The following TMEM108 variants were observed in gnomAD, a reference collection of about 807,000 sequenced individuals.
The protein encoded by TMEM108 is transmembrane protein 108.
TMEM108 carries 12 observed loss-of-function variants against 35.1 expected under a neutral mutation model. The ratio of observed to expected loss-of-function variants is 0.34; its 90% CI spans 0.22 to 0.55. The LOEUF is 0.55. Ranked by LOEUF, TMEM108 falls within the 20% of genes least tolerant of loss-of-function variation. The pLI, the probability that TMEM108 is intolerant of heterozygous loss-of-function variation, is 0.89. For missense variants in TMEM108, 680 were observed against 753.3 expected, an observed-to-expected ratio of 0.90 and a Z score of 1.14; for synonymous variants, 287 against 308.6, an observed-to-expected ratio of 0.93 and a Z score of 0.73.
chr3:133,264,155 C>T (rs1576420381), intron 3 of TMEM108, among the ~76,000 whole-genome samples: 1 of 151,868 alleles, frequency 6.6e-6, no homozygotes, highest in African/African-American at 2.4e-5. Context: ...AAAACAACAA[C>T]AAAAATAGAA....
At chr3:133,207,402 T>C (rs189957815) in intron 2 of TMEM108, among the ~76,000 whole-genome samples, 312 of 152,216 alleles carry the variant, frequency 2.0e-3, no homozygotes, top group Admixed American at 3.9e-3. Context: ...CACTGGGAGC[T>C]GCAGACCAGA....
chr3:133,052,556 AAG>A (rs1943417972), intron 2 of TMEM108, among the ~76,000 whole-genome samples: 1 of 151,380 alleles, frequency 6.6e-6, no homozygotes, highest in South Asian at 2.1e-4. Flanking sequence ...AAAAAAAAAA[AAG>A]TAGTGACAGT....
At chr3:133,349,232 G>T (rs2107765072) in intron 3 of TMEM108, among the ~76,000 whole-genome samples, 1 of 152,236 alleles carries the variant, frequency 6.6e-6, no homozygotes, top group African/African-American at 2.4e-5. Context: ...CTTCTTCAAA[G>T]TCCCATCACA....
At chr3:133,103,008 G>A (rs1009671812) in intron 2 of TMEM108, among the ~76,000 whole-genome samples, 1 of 152,172 alleles carries the variant, frequency 6.6e-6, no homozygotes, top group Non-Finnish European at 1.5e-5. Context: ...TTAGTTCAGC[G>A]ATTGTGGAAG....
At chr3:133,316,387 C>T (rs2071199531) in intron 3 of TMEM108, among the ~76,000 whole-genome samples, 1 of 152,082 alleles carries the variant, frequency 6.6e-6, no homozygotes, top group Non-Finnish European at 1.5e-5. Flanking sequence ...AAAGTTGGTA[C>T]CCATTGGGTA....
intron 4 of TMEM108, chr3:133,388,256 T>C: frequency 1.0e-6 from 1 of 985,392 alleles, no homozygotes; most frequent in African/African-American, 1.7e-5. Flanking sequence ...TGAAAGGTAG[T>C]GACAATGAAG....
At chr3:133,201,796 A>AATACTGTGGGTAT (rs1945670386) in intron 2 of TMEM108, among the ~76,000 whole-genome samples, 1 of 152,192 alleles carries the variant, frequency 6.6e-6, no homozygotes, top group Non-Finnish European at 1.5e-5. Context: ...AATGATTTAT[A>AATACTGTGGGTAT]ATACTGTGGG....
intron 2 of TMEM108, among the ~76,000 whole-genome samples, chr3:133,151,193 C>T (rs547495625): frequency 1.2e-4 from 19 of 152,214 alleles, no homozygotes; most frequent in South Asian, 8.3e-4. Flanking sequence ...TGGCACTTGA[C>T]ATGCTGCATT....
chr3:133,099,570 A>G (rs944293719), intron 2 of TMEM108, among the ~76,000 whole-genome samples: 1 of 152,188 alleles, frequency 6.6e-6, no homozygotes, highest in Non-Finnish European at 1.5e-5. Flanking sequence ...CTTTTAAAAC[A>G]GAATGCTCTT....
intron 3 of TMEM108, among the ~76,000 whole-genome samples, chr3:133,354,282 G>T (rs2072095032): frequency 6.6e-6 from 1 of 152,172 alleles, no homozygotes; most frequent in African/African-American, 2.4e-5. Flanking sequence ...TCAGGGGTCT[G>T]CTGGTAAAGC....
At chr3:133,178,879 A>C (rs1274598597) in intron 2 of TMEM108, among the ~76,000 whole-genome samples, 1 of 152,190 alleles carries the variant, frequency 6.6e-6, no homozygotes, top group African/African-American at 2.4e-5. Flanking sequence ...GGCAACCTAC[A>C]GAATGGGAGA....
At chr3:133,165,726 G>A (rs528606492) in intron 2 of TMEM108, among the ~76,000 whole-genome samples, 2 of 152,172 alleles carry the variant, frequency 1.3e-5, no homozygotes, top group African/African-American at 4.8e-5. Context: ...GGTGCGTTTG[G>A]GATAGGAGCT....
intron 2 of TMEM108, among the ~76,000 whole-genome samples, chr3:133,073,510 C>CTCTCTCTCTATACATATA: frequency 2.3e-5 from 1 of 43,920 alleles, no homozygotes; most frequent in Admixed American, 3.5e-4. Context: ...CTCTCTCTCT[C>CTCTCTCTCTATACATATA]TATATATATA....
intron 3 of TMEM108, among the ~76,000 whole-genome samples, chr3:133,342,308 G>A (rs1420094801): frequency 1.3e-5 from 2 of 150,900 alleles, no homozygotes; most frequent in African/African-American, 4.9e-5. Flanking sequence ...GTACAACCGG[G>A]TGACTCTAGT....
intron 2 of TMEM108, among the ~76,000 whole-genome samples, chr3:133,129,352 C>G (rs1039994972): frequency 4.5e-5 from 6 of 133,780 alleles, no homozygotes; most frequent in East Asian, 2.1e-4. Flanking sequence ...ACCCACACCC[C>G]CCCCCCCAAA....
At chr3:133,224,312 A>G (rs1019025301) in intron 2 of TMEM108, among the ~76,000 whole-genome samples, 5 of 151,982 alleles carry the variant, frequency 3.3e-5, no homozygotes, top group African/African-American at 9.7e-5. Context: ...CTTCTCTTTC[A>G]TTGCCCCTGT....
At chr3:133,323,555 G>T (rs2071292651) in intron 3 of TMEM108, among the ~76,000 whole-genome samples, 1 of 152,168 alleles carries the variant, frequency 6.6e-6, no homozygotes, top group Non-Finnish European at 1.5e-5. Flanking sequence ...CACACCTCAT[G>T]CTCATGGATG....
intron 3 of TMEM108, among the ~76,000 whole-genome samples, chr3:133,241,522 G>A (rs1333385207): frequency 6.6e-6 from 1 of 151,770 alleles, no homozygotes; most frequent in Non-Finnish European, 1.5e-5. Context: ...GCTATGAGCT[G>A]TGGGCAGCCG....
intron 2 of TMEM108, among the ~76,000 whole-genome samples, chr3:133,133,272 C>T (rs1160946331): frequency 1.3e-5 from 2 of 152,174 alleles, no homozygotes; most frequent in African/African-American, 4.8e-5. Context: ...CAAACTTCAG[C>T]CACCACCCTG....
Sources: gnomAD v4.1 joint callset for allele counts (sites outside exome capture counted in the v4.1 genomes callset) on GRCh38, gnomAD v4.1.1 for gene constraint, MANE v1.5 for transcripts, NCBI Gene and HGNC (gene_info 2026-07-23, HGNC 2026-07-21) for gene names.